XRCC2: variants seen among roughly 807,000 people sequenced by gnomAD.
XRCC2 encodes X-ray repair cross complementing 2.
XRCC2 carries 24 observed loss-of-function variants against 27.3 expected under a neutral mutation model. The ratio of observed to expected loss-of-function variants is 0.88; its 90% confidence interval spans 0.64 to 1.24. XRCC2 has a LOEUF of 1.24. Among genes scored for constraint, XRCC2 ranks in the 50% most tolerant of loss-of-function variants. The pLI is 0.00. For synonymous variants in XRCC2, 106 were observed against 115.4 expected, an observed-to-expected ratio of 0.92 and a Z score of 0.52; for missense variants, 321 against 325.8, an observed-to-expected ratio of 0.99 and a Z score of 0.11.
In XRCC2 at chr7:152,676,104, A is replaced by C. The variant is rs1310542469; in HGVS notation, c.-25T>G. On this transcript the variant is annotated 5_prime_UTR_variant, in exon 1 of 3. Transcript: ENST00000359321. ...TCGCCCCGAAGGCTCGGCGCAGGAG[A>C]GACTCAACTTTCCCGCCACCAACGC... 2 of 1,613,594 alleles carry C rather than the reference A, an allele frequency of 1.2e-6. No homozygotes were observed. The highest frequency in any genetic ancestry group is 1.7e-6 in the Non-Finnish European group (2 of 1,179,748).
intron 2 of XRCC2, among the ~76,000 whole-genome samples, chr7:152,657,249 G>A (rs1255641163): frequency 7.9e-6 from 1 of 126,984 alleles, no homozygotes; most frequent in Non-Finnish European, 1.7e-5. Flanking sequence ...AAAAAAAAAA[G>A]ATAGTATAAA....
chr7:152,656,762 T>C, intron 2 of XRCC2, among the ~76,000 whole-genome samples: 1 of 152,364 alleles, frequency 6.6e-6, no homozygotes, highest in South Asian at 2.1e-4. Flanking sequence ...AAGACCATTC[T>C]GTTTTTTGTC....
chr7:152,649,606 A>G (rs2098027663), intron 2 of XRCC2, among the ~76,000 whole-genome samples: 1 of 152,144 alleles, frequency 6.6e-6, no homozygotes. Context: ...TCCCACTTCA[A>G]TTTGTAAGAT....
chr7:152,657,720 A>G (rs1235724393), intron 2 of XRCC2, among the ~76,000 whole-genome samples: 1 of 152,224 alleles, frequency 6.6e-6, no homozygotes, highest in Non-Finnish European at 1.5e-5. Flanking sequence ...CAAAATATGG[A>G]AATTAAGTTT....
At chr7:152,674,704 T>TTATATATAAAAATATAC (rs1563035234) in intron 1 of XRCC2, among the ~76,000 whole-genome samples, 1 of 93,498 alleles carries the variant, frequency 1.1e-5, no homozygotes, top group African/African-American at 5.2e-5. Flanking sequence ...TAAATATATA[T>TTATATATAAAAATATAC]TTATATAATA....
intron 1 of XRCC2, 150 bp downstream of exon 1, chr7:152,675,891 A>G (rs937738228): frequency 2.0e-6 from 2 of 987,492 alleles, no homozygotes; most frequent in African/African-American, 3.2e-5. Context: ...AGAGGGTGCC[A>G]GCATCGCGGG....
Position 152,646,932 on chromosome 7 carries a change from T to G in XRCC2, c.*1710A>C, listed in dbSNP as rs779271109. 5.9e-5 allele frequency: 9 copies of G among 152,248 alleles called. No homozygotes were observed. The highest frequency in any genetic ancestry group is 1.2e-4 in the Non-Finnish European group (8 of 68,042). 9.4% of individuals were successfully genotyped at this position (152,248 alleles called of 1,614,324 possible). ...TCTATTCCTTTGGGTATATACCCAG[T>G]AATGAGATTGCTGGGTTGAATGGTA... On this transcript the variant is annotated 3_prime_UTR_variant, in exon 3 of 3. Coordinates refer to ENST00000359321, the MANE Select transcript of XRCC2 (RefSeq NM_005431.2).
rs912593113 is a variant in XRCC2, at chr7:152,649,116, GCTA to G, written c.366_368del (p.Ser123del). 5 of 1,614,006 alleles carry G rather than the reference GCTA, an allele frequency of 3.1e-6. No homozygotes were observed. Among genetic ancestry groups the G allele is most frequent in the Non-Finnish European group, 4.2e-6 (5 of 1,180,004 alleles). ...AGTAAAGTGTAAGAAGTAAGTGGGT[GCTA>G]CTACTGCAGTACACCAAAAAAAATC... On this transcript the variant is annotated inframe_deletion, in exon 3 of 3. Coordinates refer to ENST00000359321, the MANE Select transcript of XRCC2 (RefSeq NM_005431.2).
rs1324593321 is a variant in XRCC2, at chr7:152,650,100, G to A, written c.122-737C>T. Among the ~76,000 whole-genome samples the A allele has an allele frequency of 5.9e-5, 9 of 152,204 alleles. No individual in the cohort carries two copies. The East Asian group carries it at 9.6e-4, about 16-fold the overall frequency. On this transcript the variant is annotated intron_variant, in intron 2 of 2. Coordinates refer to ENST00000359321, the MANE Select transcript of XRCC2 (RefSeq NM_005431.2). ...CCACTAAGTTGGACTTCTATGACAC[G>A]CAGGTGAAGGCACTCCCTAATTAGG... is the stretch of plus-strand genomic sequence containing the variant.
Position 152,649,054 on chromosome 7 carries a change from CAG to C in XRCC2, c.429_430del (p.Cys144ProfsTer6). 2 of 1,614,116 alleles carry C rather than the reference CAG, an allele frequency of 1.2e-6. No individual in the cohort carries two copies. Among genetic ancestry groups the C allele is most frequent in the Non-Finnish European group, 1.7e-6 (2 of 1,180,028 alleles). ...TGACAGGCTATCCAAAATCAAAAGGCAGAGAGATGGGTGACTACAAAACATAC... is the reference window on the plus strand; with the variant it reads ...TGACAGGCTATCCAAAATCAAAAGGCAGAGATGGGTGACTACAAAACATAC... On this transcript the variant is annotated frameshift_variant, in exon 3 of 3. Coordinates refer to ENST00000359321, the MANE Select transcript of XRCC2 (RefSeq NM_005431.2). LOFTEE classifies it high-confidence loss of function.
chr7:152,673,615 C>A (rs1417429269), intron 1 of XRCC2, among the ~76,000 whole-genome samples: 1 of 152,098 alleles, frequency 6.6e-6, no homozygotes, highest in African/African-American at 2.4e-5. Flanking sequence ...TGCCTGTAAT[C>A]CCAGCACTTT....
In XRCC2 at chr7:152,648,645, A is replaced by G. The variant is rs1268683505; in HGVS notation, c.840T>C (p.Cys280=). 1.9e-6 allele frequency: 3 copies of G among 1,594,178 alleles called. No individual in the cohort carries two copies. The highest frequency in any genetic ancestry group is 1.7e-6 in the Non-Finnish European group (2 of 1,172,370). ...AAAGACTATTTTATGATGTATATCA[A>G]CAAAATTCAACCCCACTTTCTCCAA... ...FIIGESGVEF[C] Residue 280 remains cysteine, a synonymous_variant, in exon 3 of 3, where the codon TGT becomes TGC. Coordinates refer to ENST00000359321, the MANE Select transcript of XRCC2 (RefSeq NM_005431.2).
Position 152,676,132 on chromosome 7 carries a change from T to C in XRCC2, c.-53A>G. ...CTCAACTTTCCCGCCACCAACGCCA[T>C]TCACCAACTGCGCAGACTCTACGGC... On this transcript the variant is annotated 5_prime_UTR_variant, in exon 1 of 3. An upstream start codon of the reference 5' UTR is lost. Transcript: ENST00000359321. 1 of 1,612,124 alleles carries C rather than the reference T, an allele frequency of 6.2e-7. No homozygotes were observed. The highest frequency in any genetic ancestry group is 8.5e-7 in the Non-Finnish European group (1 of 1,178,760).
At chr7:152,665,181 G>A (rs943046244) in intron 1 of XRCC2, among the ~76,000 whole-genome samples, 19 of 152,160 alleles carry the variant, frequency 1.2e-4, no homozygotes, top group African/African-American at 4.6e-4. Context: ...TCCCTTCCAA[G>A]TGAACGTTAC....
rs139923743 is a variant in XRCC2 at position 152,649,023 on chromosome 7, A to G, written c.462T>C (p.Phe154=). The change falls in exon 3 of 3, where the codon TTT becomes TTC. Residue 154 remains phenylalanine, a synonymous_variant. Transcript: ENST00000359321. ...CTCCATTGACGCGGTCTATCCAGTAAAAAGCTGACAGGCTATCCAAAATCA... is the reference window on the plus strand; with the variant it reads ...CTCCATTGACGCGGTCTATCCAGTAGAAAGCTGACAGGCTATCCAAAATCA... ...CLLILDSLSA[F]YWIDRVNGGE... The G allele has an allele frequency of 8.1e-6, 13 of 1,614,112 alleles. No homozygotes were observed. In the Admixed American group the frequency reaches 1.0e-4, roughly 12 times the overall value.
At chr7:152,670,415 G>A (rs1215140606) in intron 1 of XRCC2, among the ~76,000 whole-genome samples, 1 of 152,288 alleles carries the variant, frequency 6.6e-6, no homozygotes, top group Admixed American at 6.5e-5. Context: ...GCAGAACTGG[G>A]AGAAGAATGG....
In XRCC2 at chr7:152,674,726, A is replaced by AT. The variant is rs1330065656; in HGVS notation, c.39+1314dup. On this transcript the variant is annotated intron_variant, in intron 1 of 2. Coordinates refer to ENST00000359321, the MANE Select transcript of XRCC2 (RefSeq NM_005431.2). ...ATATTTATATAATATATTTTTAAAT[A>AT]TATATTATATATAAATATATTTTTA... is the stretch of plus-strand genomic sequence containing the variant. Among the ~76,000 whole-genome samples the AT allele has an allele frequency of 3.1e-5, 4 of 130,814 alleles. 1 individual carries two copies. Among genetic ancestry groups the AT allele is most frequent in the Non-Finnish European group, 6.3e-5 (4 of 63,794 alleles). The allele number at this position is 130,814 out of a possible 152,430, so 85.8% of individuals were successfully genotyped here. A position where few individuals can be genotyped will look rare whatever the true frequency, so the allele number is the denominator to read the frequency against.
chr7:152,652,234 G>A (rs1489458841), intron 2 of XRCC2, among the ~76,000 whole-genome samples: 3 of 151,570 alleles, frequency 2.0e-5, no homozygotes, highest in Non-Finnish European at 2.9e-5. Flanking sequence ...ATTAACAATT[G>A]TCCATCTAAT....
At position 152,649,045 on chromosome 7, in the gene XRCC2, A is replaced by T. The variant is rs776710231; in HGVS notation, c.440T>A (p.Ile147Asn). 2.5e-6 allele frequency: 4 copies of T among 1,614,198 alleles called. No homozygotes were observed. In the Admixed American group the frequency reaches 6.7e-5, roughly 27 times the overall value. The part of the protein sequence containing the change: ...FCSHPSLCLL[I>N]LDSLSAFYWI... ...GTAAAAAGCTGACAGGCTATCCAAA[A>T]TCAAAAGGCAGAGAGATGGGTGACT... The change falls in exon 3 of 3, where the codon ATT becomes AAT. Residue 147 changes from isoleucine to asparagine, a missense_variant. Physicochemically the swap from Ile to Asn is moderately radical, Grantham distance 149 (BLOSUM62 -3). Transcript: ENST00000359321.
Sources: allele counts gnomAD v4.1 joint callset (sites outside exome capture counted in the v4.1 genomes callset), GRCh38; gene constraint gnomAD v4.1.1; transcripts MANE v1.5; gene names NCBI Gene and HGNC (gene_info 2026-07-23, HGNC 2026-07-21).